The following DTWD2 variants were observed in gnomAD, a reference collection of about 807,000 sequenced individuals.
DTWD2 encodes the protein DTW motif tRNA-uridine aminocarboxypropyltransferase 2.
DTWD2 carries 39 observed loss-of-function variants against 31.8 expected under a neutral mutation model. The ratio of observed to expected loss-of-function variants is 1.22; its 90% CI spans 0.95 to 1.60. DTWD2 has a LOEUF of 1.60. Among genes scored for constraint, DTWD2 ranks in the 40% most tolerant of loss-of-function variants. The pLI is 0.00. For missense variants in DTWD2, 515 were observed against 381.5 expected (o/e 1.35, Z -2.92); for synonymous variants, 180 against 142.8 (o/e 1.26, Z -1.86).
chr5:118,880,851 G>T (rs896895590), intron 4 of DTWD2, among the ~76,000 whole-genome samples: 1 of 151,998 alleles, frequency 6.6e-6, no homozygotes, highest in South Asian at 2.1e-4. Flanking sequence ...ATTTTGTTTG[G>T]GGGTTTCTTT....
intron 4 of DTWD2, among the ~76,000 whole-genome samples, chr5:118,907,907 G>C (rs374351617): frequency 6.6e-6 from 1 of 152,012 alleles, no homozygotes; most frequent in Non-Finnish European, 1.5e-5. Context: ...TGCTTTACTC[G>C]ATCAATAAAA....
chr5:118,919,666 A>G (rs893054778), intron 4 of DTWD2, among the ~76,000 whole-genome samples: 1 of 152,222 alleles, frequency 6.6e-6, no homozygotes, highest in African/African-American at 2.4e-5. Flanking sequence ...TAACAAGGGA[A>G]TTCCCAGGAA....
At chr5:118,988,260 C>T in intron 1 of DTWD2, 34 bp downstream of exon 1, 1 of 1,530,324 alleles carries the variant, frequency 6.5e-7, no homozygotes, top group South Asian at 1.2e-5. Context: ...AGGCCGCTGC[C>T]GGCTGCAGTC....
At chr5:118,965,001 C>T (rs574931123) in intron 1 of DTWD2, among the ~76,000 whole-genome samples, 10 of 151,914 alleles carry the variant, frequency 6.6e-5, no homozygotes, top group African/African-American at 2.4e-4. Flanking sequence ...TGAGGAGCAT[C>T]TCTGCCCGGC....
At chr5:118,903,300 CA>C (rs1259264681) in intron 4 of DTWD2, among the ~76,000 whole-genome samples, 3 of 151,760 alleles carry the variant, frequency 2.0e-5, no homozygotes, top group African/African-American at 7.3e-5. Context: ...TTCATAAGTA[CA>C]AAAAATATAG....
intron 5 of DTWD2, 54 bp downstream of exon 5, chr5:118,848,036 G>C: frequency 1.4e-6 from 2 of 1,433,414 alleles, no homozygotes; most frequent in Non-Finnish European, 1.8e-6. Flanking sequence ...AATCTTCTAG[G>C]TAAAATCTAA....
chr5:118,985,526 A>ACG (rs1755408694), intron 1 of DTWD2, among the ~76,000 whole-genome samples: 2 of 146,122 alleles, frequency 1.4e-5, no homozygotes, highest in African/African-American at 2.5e-5. Context: ...ATACACACAC[A>ACG]TATATACATA....
rs887243846 is a variant in DTWD2, at chr5:118,838,664, G to C, written c.*2253C>G. On this transcript the variant is annotated 3_prime_UTR_variant, in exon 6 of 6. Coordinates refer to ENST00000510708, the MANE Select transcript of DTWD2 (RefSeq NM_173666.4). ...AAAATAAGTAAAAAACAAGTACAGT[G>C]AGTTAACAGGTCAGTAAAGTAATTT... 105 of 152,164 alleles carry C rather than the reference G, an allele frequency of 6.9e-4. No individual in the cohort carries two copies. The highest frequency in any genetic ancestry group is 2.4e-3 in the African/African-American group (101 of 41,508). 9.4% of individuals were successfully genotyped at this position (152,164 alleles called of 1,614,324 possible).
At chr5:118,982,252 C>A (rs894675182) in intron 1 of DTWD2, among the ~76,000 whole-genome samples, 2 of 152,122 alleles carry the variant, frequency 1.3e-5, no homozygotes, top group Admixed American at 6.5e-5. Flanking sequence ...AATTAATGTG[C>A]TTTTACAGTC....
chr5:118,929,040 A>T (rs1216868523), intron 3 of DTWD2, among the ~76,000 whole-genome samples: 1 of 152,184 alleles, frequency 6.6e-6, no homozygotes, highest in Non-Finnish European at 1.5e-5. Flanking sequence ...TTTCCTCACT[A>T]ATACTTCATG....
chr5:118,935,758 A>T (rs1754031492), intron 3 of DTWD2, among the ~76,000 whole-genome samples: 1 of 152,212 alleles, frequency 6.6e-6, no homozygotes, highest in Non-Finnish European at 1.5e-5. Flanking sequence ...AACCAAAAGA[A>T]CAAAATGTAA....
chr5:118,894,867 A>C (rs866353424), intron 4 of DTWD2, among the ~76,000 whole-genome samples: 1 of 152,160 alleles, frequency 6.6e-6, no homozygotes, highest in African/African-American at 2.4e-5. Flanking sequence ...CCTCAACATC[A>C]TAAGGGCCAT....
chr5:118,938,173 T>C (rs562368223), intron 3 of DTWD2, among the ~76,000 whole-genome samples: 1 of 151,520 alleles, frequency 6.6e-6, no homozygotes, highest in South Asian at 2.1e-4. Flanking sequence ...CCACTTCCAA[T>C]AAACATTATA....
At position 118,936,531 on chromosome 5, in the gene DTWD2, A is replaced by G. The variant is rs112421608; in HGVS notation, c.404+2665T>C. 5.0e-3 allele frequency among the ~76,000 whole-genome samples: 758 copies of G among 152,154 alleles called. 7 individuals are homozygous for G. Among genetic ancestry groups the G allele is most frequent in the African/African-American group, 0.018 (738 of 41,508 alleles). On this transcript the variant is annotated intron_variant, in intron 3 of 5. Coordinates refer to ENST00000510708, the MANE Select transcript of DTWD2 (RefSeq NM_173666.4). Reference sequence around the variant, plus strand: ...AAATGTTTATATGCACGGGCCAGGCACAGTAGCTCACATCTGTAATCCTAG... The same window carrying G: ...AAATGTTTATATGCACGGGCCAGGCGCAGTAGCTCACATCTGTAATCCTAG...
At chr5:118,929,699 T>C (rs1349875279) in intron 3 of DTWD2, among the ~76,000 whole-genome samples, 1 of 152,216 alleles carries the variant, frequency 6.6e-6, no homozygotes, top group African/African-American at 2.4e-5. Flanking sequence ...AATATACTTA[T>C]TTGACATATG....
intron 1 of DTWD2, among the ~76,000 whole-genome samples, chr5:118,966,984 T>TTA (rs1754865945): frequency 6.6e-6 from 1 of 150,520 alleles, no homozygotes; most frequent in African/African-American, 2.5e-5. Context: ...TGAGCCAAGA[T>TTA]TACGCCACTG....
chr5:118,865,335 C>G (rs2149546877), intron 4 of DTWD2, among the ~76,000 whole-genome samples: 1 of 152,226 alleles, frequency 6.6e-6, no homozygotes, highest in East Asian at 1.9e-4. Flanking sequence ...CACTTGCTGA[C>G]TCAAGAAACA....
rs151191117 is a variant in DTWD2 at position 118,966,320 on chromosome 5, C to T, written c.219-21671G>A. Among the ~76,000 whole-genome samples the T allele has an allele frequency of 5.2e-4, 79 of 152,234 alleles. 1 individual carries two copies. In the East Asian group the frequency reaches 0.013, roughly 26 times the overall value. On this transcript the variant is annotated intron_variant, in intron 1 of 5. Coordinates refer to ENST00000510708, the MANE Select transcript of DTWD2 (RefSeq NM_173666.4). Reference sequence around the variant, plus strand: ...AACAGTTATCTGGTATATGTGGGTGCGCAGTGGTTGTCATAAAGGGTTATG... The same window carrying T: ...AACAGTTATCTGGTATATGTGGGTGTGCAGTGGTTGTCATAAAGGGTTATG...
intron 4 of DTWD2, among the ~76,000 whole-genome samples, chr5:118,912,751 C>G (rs1321482837): frequency 1.3e-5 from 2 of 152,032 alleles, no homozygotes; most frequent in African/African-American, 4.8e-5. Flanking sequence ...TTATTTTTGT[C>G]TTTTTCCCCA....
Sources: gnomAD v4.1 joint callset for allele counts (sites outside exome capture counted in the v4.1 genomes callset) on GRCh38, gnomAD v4.1.1 for gene constraint, MANE v1.5 for transcripts, NCBI Gene and HGNC (gene_info 2026-07-23, HGNC 2026-07-21) for gene names.